Variants in NEO1 observed in about 807,000 individuals in gnomAD.
NEO1 encodes neogenin 1.
A neutral mutation model predicts 159.7 loss-of-function variants in NEO1; 63 were observed. The ratio of observed to expected loss-of-function variants is 0.39; its 90% CI spans 0.32 to 0.49. NEO1 has a LOEUF of 0.49. NEO1 is among the 20% of genes least tolerant of loss of function. The pLI, the probability that NEO1 is intolerant of heterozygous loss-of-function variation, is 0.85. For synonymous variants in NEO1, 633 were observed against 662.0 expected (o/e 0.96, Z 0.67); for missense variants, 1,615 against 1,831.0 (o/e 0.88, Z 2.15).
intron 7 of NEO1, among the ~76,000 whole-genome samples, chr15:73,183,162 C>T (rs769311001): frequency 5.3e-5 from 8 of 152,098 alleles, no homozygotes; most frequent in Non-Finnish European, 1.2e-4. Context: ...AAAGCCATCT[C>T]TGTGGTGTAG....
At chr15:73,288,713 C>T (rs1287382112) in intron 24 of NEO1, among the ~76,000 whole-genome samples, 162 bp downstream of exon 24, 1 of 151,782 alleles carries the variant, frequency 6.6e-6, no homozygotes, top group Non-Finnish European at 1.5e-5. Flanking sequence ...TGAAGAATAC[C>T]TAGCTTCTTA....
At chr15:73,284,021 G>C (rs998010922) in intron 23 of NEO1, among the ~76,000 whole-genome samples, 14 of 152,308 alleles carry the variant, frequency 9.2e-5, no homozygotes, top group Admixed American at 6.5e-4. Flanking sequence ...GGGATTTTGA[G>C]GGTTGTGGCT....
intron 5 of NEO1, among the ~76,000 whole-genome samples, chr15:73,140,792 T>C (rs2032310949): frequency 6.6e-6 from 1 of 152,168 alleles, no homozygotes; most frequent in South Asian, 2.1e-4. Flanking sequence ...CATTCGACAA[T>C]GTGGGTAAAT....
rs144725449 is a variant in NEO1 at position 73,151,946 on chromosome 15, C to T, written c.1015+15919C>T. 4.6e-5 allele frequency among the ~76,000 whole-genome samples: 7 copies of T among 152,166 alleles called. No individual in the cohort carries two copies. The East Asian group carries it at 1.4e-3, about 29-fold the overall frequency. On this transcript the variant is annotated intron_variant, in intron 5 of 28. Coordinates refer to ENST00000261908, the MANE Select transcript of NEO1 (RefSeq NM_002499.4). The stretch of plus-strand genomic sequence containing the variant: ...TAAATGGATTCTAAATATTTTTGGC[C>T]ACATAAACTACTGGTTCAGAATATC...
At chr15:73,220,887 T>G (rs182385544) in intron 7 of NEO1, among the ~76,000 whole-genome samples, 2 of 152,320 alleles carry the variant, frequency 1.3e-5, no homozygotes, top group Admixed American at 6.5e-5. Flanking sequence ...TCCTGTAGCT[T>G]GGAGTAGTTT....
intron 22 of NEO1, among the ~76,000 whole-genome samples, chr15:73,282,669 T>A (rs369670896): frequency 9.8e-5 from 15 of 152,354 alleles, no homozygotes; most frequent in East Asian, 3.9e-4. Context: ...TTTATCTGTC[T>A]AAGTATATCT....
chr15:73,279,508 C>A (rs965544040), intron 22 of NEO1, among the ~76,000 whole-genome samples: 1 of 151,900 alleles, frequency 6.6e-6, no homozygotes, highest in African/African-American at 2.4e-5. Flanking sequence ...GCCACCACGC[C>A]CAGCTAATTT....
intron 5 of NEO1, among the ~76,000 whole-genome samples, chr15:73,165,124 G>A (rs1432459868): frequency 6.7e-6 from 1 of 148,946 alleles, no homozygotes; most frequent in African/African-American, 2.5e-5. Flanking sequence ...GTAGAGATAG[G>A]GGTCTCACTA....
chr15:73,288,850 G>T (rs1443218200), intron 24 of NEO1, among the ~76,000 whole-genome samples: 1 of 152,140 alleles, frequency 6.6e-6, no homozygotes, highest in Non-Finnish European at 1.5e-5. Flanking sequence ...TTCATTCTGT[G>T]TCTTCAGCTG....
chr15:73,116,066 C>T (rs995756622), intron 1 of NEO1, among the ~76,000 whole-genome samples: 5 of 151,870 alleles, frequency 3.3e-5, no homozygotes, highest in South Asian at 2.1e-4. Context: ...TTAAGTCAGT[C>T]GGATGAATAA....
At position 73,303,584 on chromosome 15, in the gene NEO1, T is replaced by G. The variant is rs1357589630; in HGVS notation, c.*888T>G. 1.3e-5 allele frequency: 2 copies of G among 152,338 alleles called. No individual in the cohort carries two copies. The highest frequency in any genetic ancestry group is 2.4e-5 in the African/African-American group (1 of 41,570). 9.4% of individuals were successfully genotyped at this position (152,338 alleles called of 1,614,324 possible). On this transcript the variant is annotated 3_prime_UTR_variant, in exon 29 of 29. Coordinates refer to ENST00000261908, the MANE Select transcript of NEO1 (RefSeq NM_002499.4). ...CTTTCTTCCAGAAGCCTGCAGAGAA[T>G]GGAAGCATCTTCTTTATTGTCCTTT...
chr15:73,149,328 A>C (rs1010482861), intron 5 of NEO1, among the ~76,000 whole-genome samples: 2 of 151,048 alleles, frequency 1.3e-5, no homozygotes, highest in Non-Finnish European at 2.9e-5. Context: ...AAAAAAAAAC[A>C]GGGTTTCAGT....
intron 5 of NEO1, 98 bp downstream of exon 5, chr15:73,136,125 A>G (rs2031733714): frequency 9.4e-7 from 1 of 1,062,798 alleles, no homozygotes. Flanking sequence ...ATACAGCAAA[A>G]CAATTAAAAG....
chr15:73,158,274 A>T (rs1417211564), intron 5 of NEO1, among the ~76,000 whole-genome samples: 1 of 129,884 alleles, frequency 7.7e-6, no homozygotes, highest in Admixed American at 8.9e-5. Context: ...TCAGCTTGTT[A>T]AATTTGATAA....
chr15:73,117,010 A>G (rs1308046618), intron 2 of NEO1, among the ~76,000 whole-genome samples, 153 bp downstream of exon 2: 1 of 152,148 alleles, frequency 6.6e-6, no homozygotes, highest in African/African-American at 2.4e-5. Context: ...TGCGTATGGG[A>G]CCTTGCTGTA....
At chr15:73,133,509 A>T (rs1199186772) in intron 4 of NEO1, among the ~76,000 whole-genome samples, 1 of 152,208 alleles carries the variant, frequency 6.6e-6, no homozygotes, top group East Asian at 1.9e-4. Context: ...TAACTTTTTC[A>T]TGTAACCAAA....
intron 7 of NEO1, among the ~76,000 whole-genome samples, chr15:73,227,085 A>G (rs1214731914): frequency 1.3e-5 from 2 of 152,236 alleles, no homozygotes; most frequent in South Asian, 2.1e-4. Flanking sequence ...ACTAAGTGAC[A>G]CTTTATCAGT....
chr15:73,163,726 G>T (rs766120114), intron 5 of NEO1, among the ~76,000 whole-genome samples: 1 of 152,210 alleles, frequency 6.6e-6, no homozygotes, highest in Admixed American at 6.5e-5. Flanking sequence ...TAAGCTCCCA[G>T]ATGTTGCCAG....
chr15:73,227,784 G>C (rs939031185), intron 7 of NEO1, among the ~76,000 whole-genome samples: 1 of 152,150 alleles, frequency 6.6e-6, no homozygotes, highest in African/African-American at 2.4e-5. Flanking sequence ...TATGAACAAA[G>C]GTATAAAAGC....
Sources: gnomAD v4.1 joint callset for allele counts (sites outside exome capture counted in the v4.1 genomes callset) on GRCh38, gnomAD v4.1.1 for gene constraint, MANE v1.5 for transcripts, NCBI Gene and HGNC (gene_info 2026-07-23, HGNC 2026-07-21) for gene names.